VENTX: variants seen among roughly 807,000 people sequenced by gnomAD.
VENTX encodes homeobox protein VENTX.
VENTX carries 13 observed loss-of-function variants against 10.5 expected under a neutral mutation model. The ratio of observed to expected loss-of-function variants is 1.23; its 90% CI spans 0.80 to 1.96. VENTX has a LOEUF of 1.96. Ranked by LOEUF, VENTX falls within the 30% of genes most tolerant of loss-of-function variation. The probability of loss-of-function intolerance (pLI) is 0.00; values close to 1 mark genes in which losing one functional copy is unlikely to be tolerated. For synonymous variants in VENTX, 177 were observed against 150.4 expected, an observed-to-expected ratio of 1.18 and a Z score of -1.29; for missense variants, 400 against 341.8, an observed-to-expected ratio of 1.17 and a Z score of -1.34.
Position 133,237,939 on chromosome 10 carries a change from C to T in VENTX, c.25C>T (p.Arg9Cys), listed in dbSNP as rs746525348. 20 of 1,594,924 alleles carry T rather than the reference C, an allele frequency of 1.3e-5. No individual in the cohort carries two copies. In the East Asian group the frequency reaches 4.5e-4, roughly 36 times the overall value. The change falls in exon 1 of 3, where the codon CGT (arginine) becomes TGT (cysteine). Residue 9 changes from arginine to cysteine, a missense_variant. Coordinates refer to ENST00000325980, the MANE Select transcript of VENTX (RefSeq NM_014468.4). ...CATGCGCCTCTCCTCCTCCCCACCTCGTGGCCCGCAGCAGCTCTCCAGCTT... is the reference window on the plus strand; with the variant it reads ...CATGCGCCTCTCCTCCTCCCCACCTTGTGGCCCGCAGCAGCTCTCCAGCTT... The part of the protein sequence containing the change: MRLSSSPP[R>C]GPQQLSSFGS...
intron 2 of VENTX, 34 bp downstream of exon 2, chr10:133,239,870 G>T (rs760871759): frequency 6.2e-7 from 1 of 1,608,004 alleles, no homozygotes; most frequent in Non-Finnish European, 8.5e-7. Flanking sequence ...GGTGGGCAGG[G>T]GTGGGCAAGG....
At position 133,238,128 on chromosome 10, in the gene VENTX, C is replaced by G. The variant is rs900168330; in HGVS notation, c.214C>G (p.Leu72Val). ...SIKEAAGSSNLPAPERTMAGL... is the reference protein window; with the variant it reads ...SIKEAAGSSNVPAPERTMAGL... ...CAAGGAGGCCGCCGGGTCCTCAAAT[C>G]TGCCTGCGCCGGAGAGGACCATGGC... The change falls in exon 1 of 3, where the codon CTG becomes GTG. Residue 72 changes from leucine to valine, a missense_variant. Coordinates refer to ENST00000325980, the MANE Select transcript of VENTX (RefSeq NM_014468.4). 5 of 1,604,510 alleles carry G rather than the reference C, an allele frequency of 3.1e-6. No homozygotes were observed. The highest frequency in any genetic ancestry group is 1.3e-5 in the African/African-American group (1 of 74,926).
In VENTX at chr10:133,240,177, G is replaced by T. The variant is rs369681310; in HGVS notation, c.648G>T (p.Ala216=). Residue 216 remains alanine (A), a synonymous_variant, in exon 3 of 3, where the codon GCG becomes GCT. Coordinates refer to ENST00000325980, the MANE Select transcript of VENTX (RefSeq NM_014468.4). ...CQVAQEALAS[A]GASCCGQPLA... is the part of the protein sequence containing the mutation. ...TGGCACAAGAGGCCCTGGCATCTGC[G>T]GGAGCTTCCTGCTGCGGGCAGCCTC... is the stretch of plus-strand genomic sequence containing the variant. 3.7e-6 allele frequency: 6 copies of T among 1,609,464 alleles called. No individual in the cohort carries two copies. The East Asian group carries it at 1.1e-4, about 30-fold the overall frequency.
Position 133,237,894 on chromosome 10 carries a change from C to T in VENTX, c.-21C>T, listed in dbSNP as rs1478281322. ...GCCTGGCCAGCCCCGCCTGGCCTTC[C>T]CTCCGGCCCACCTGGCCGCCATGCG... On this transcript the variant is annotated 5_prime_UTR_variant, in exon 1 of 3. Transcript: ENST00000325980. The T allele has an allele frequency of 6.4e-6, 10 of 1,565,110 alleles. No homozygotes were observed. The highest frequency in any genetic ancestry group is 1.2e-5 in the South Asian group (1 of 85,296).
intron 1 of VENTX, among the ~76,000 whole-genome samples, chr10:133,239,039 GT>G (rs765733849): frequency 6.6e-6 from 1 of 152,190 alleles, no homozygotes; most frequent in Non-Finnish European, 1.5e-5. Flanking sequence ...TCAGGCTAAC[GT>G]TAAGACAGAT....
chr10:133,237,918 C>T lies in VENTX; in HGVS notation c.4C>T (p.Arg2Cys). The T allele has an allele frequency of 2.5e-6, 4 of 1,586,566 alleles. No individual in the cohort carries two copies. Among genetic ancestry groups the T allele is most frequent in the South Asian group, 1.1e-5 (1 of 88,024 alleles). M[R>C]LSSSPPRGPQ... ...CCCTCCGGCCCACCTGGCCGCCATG[C>T]GCCTCTCCTCCTCCCCACCTCGTGG... Residue 2 changes from arginine (R) to cysteine (C), a missense_variant, in exon 1 of 3, where the codon CGC (arginine) becomes TGC (cysteine). Physicochemically the swap from Arg to Cys is radical, Grantham distance 180. Coordinates refer to ENST00000325980, the MANE Select transcript of VENTX (RefSeq NM_014468.4).
chr10:133,239,787 C>T lies in VENTX; in HGVS notation c.353C>T (p.Pro118Leu), dbSNP rs139243086. The T allele has an allele frequency of 1.8e-4, 289 of 1,611,310 alleles. 1 individual carries two copies. Among genetic ancestry groups the T allele is most frequent in the Non-Finnish European group, 2.2e-4 (263 of 1,179,894 alleles). Residue 118 changes from proline to leucine, a missense_variant, in exon 2 of 3, where the codon CCT (proline) becomes CTT (leucine). Pro to Leu is a moderately conservative substitution (Grantham distance 98, BLOSUM62 -3). Coordinates refer to ENST00000325980, the MANE Select transcript of VENTX (RefSeq NM_014468.4). ...GVFQHHQYLSPLERKRLAREM... is the reference protein window; with the variant it reads ...GVFQHHQYLSLLERKRLAREM... ...TTCCAGCACCACCAGTACCTGAGCC[C>T]TCTGGAGCGGAAGAGGCTGGCCAGG...
chr10:133,240,362 C>A lies in VENTX; in HGVS notation c.*56C>A. 6.6e-7 allele frequency: 1 copy of A among 1,514,246 alleles called. No individual in the cohort carries two copies. Among genetic ancestry groups the A allele is most frequent in the Non-Finnish European group, 8.8e-7 (1 of 1,132,960 alleles). The allele number at this position is 1,514,246 out of a possible 1,614,324, so 93.8% of individuals were successfully genotyped here. ...CTTGCTGATCGCACCTGGCTCCTAC[C>A]TGGAGGACTCAGTTGTTCTGTTTAC... On this transcript the variant is annotated 3_prime_UTR_variant, in exon 3 of 3. Coordinates refer to ENST00000325980, the MANE Select transcript of VENTX (RefSeq NM_014468.4).
chr10:133,239,310 G>T (rs910377984), intron 1 of VENTX, among the ~76,000 whole-genome samples: 14 of 152,354 alleles, frequency 9.2e-5, no homozygotes, highest in African/African-American at 3.4e-4. Context: ...AGGGATGGGT[G>T]CCCCTGGGTG....
rs1564909386 is a variant in VENTX, at chr10:133,238,048, T to C, written c.134T>C (p.Leu45Pro). The change falls in exon 1 of 3, where the codon CTC (leucine) becomes CCC (proline). Residue 45 changes from leucine to proline, a missense_variant. Physicochemically the swap from Leu to Pro is moderately conservative, Grantham distance 98. Transcript: ENST00000325980. ...CCTGCCGACTTCTCCCTGGGGAGCC[T>C]CCCTGGCCCAGGCCAGACATCCGGC... ...PRPADFSLGSLPGPGQTSGAR... is the reference protein window; with the variant it reads ...PRPADFSLGSPPGPGQTSGAR... 1 of 1,599,930 alleles carries C rather than the reference T, an allele frequency of 6.3e-7. No individual in the cohort carries two copies.
At chr10:133,238,759 ACAT>A (rs1165873903) in intron 1 of VENTX, among the ~76,000 whole-genome samples, 2 of 152,258 alleles carry the variant, frequency 1.3e-5, no homozygotes, top group Non-Finnish European at 2.9e-5. Context: ...AGTCTTTGTG[ACAT>A]CATCACCACT....
intron 1 of VENTX, 113 bp downstream of exon 1, chr10:133,238,268 C>T: frequency 2.2e-6 from 3 of 1,350,816 alleles, no homozygotes; most frequent in Non-Finnish European, 2.9e-6. Flanking sequence ...AGGTCAGGGC[C>T]GGGGGCGTTT....
chr10:133,240,907 G>A lies in VENTX; in HGVS notation c.*601G>A, dbSNP rs1224111521. ...TTACCGAAAGAGTCGGTTTAGGAAG[G>A]AAACGAAGGGTCAGTGAACAGAGTC... On this transcript the variant is annotated 3_prime_UTR_variant, in exon 3 of 3. Transcript: ENST00000325980. The A allele has an allele frequency of 6.6e-6, 1 of 152,190 alleles. No homozygotes were observed. The highest frequency in any genetic ancestry group is 1.5e-5 in the Non-Finnish European group (1 of 68,052). 9.4% of individuals were successfully genotyped at this position (152,190 alleles called of 1,614,324 possible).
chr10:133,239,584 C>G, intron 1 of VENTX, 92 bp from the exon 2 acceptor site: 1 of 1,486,188 alleles, frequency 6.7e-7, no homozygotes, highest in Admixed American at 1.9e-5. Flanking sequence ...CTGCCCAGCC[C>G]CCAGCATGGC....
rs143679708 is a variant in VENTX at position 133,240,070 on chromosome 10, C to T, written c.541C>T (p.Gln181Ter). The T allele has an allele frequency of 2.2e-4, 356 of 1,611,724 alleles. No individual in the cohort carries two copies. The African/African-American group carries it at 4.1e-3, about 19-fold the overall frequency. Residue 181 changes from glutamine (Q) to a stop codon, truncating the protein, a stop_gained, in exon 3 of 3, where the codon CAG becomes TAG. Coordinates refer to ENST00000325980, the MANE Select transcript of VENTX (RefSeq NM_014468.4). LOFTEE classifies it low-confidence loss of function (END_TRUNC). Reference protein sequence around the residue: ...STSSGLANGLQLLCPWAPLSG... With the variant: ...STSSGLANGL ...GTCTTCTGGCCTTGCCAATGGCCTG[C>T]AGCTGCTGTGCCCTTGGGCACCCCT...
At position 133,240,139 on chromosome 10, in the gene VENTX, G is replaced by A; in HGVS notation, c.610G>A (p.Gly204Ser). The A allele has an allele frequency of 1.2e-6, 2 of 1,609,584 alleles. No individual in the cohort carries two copies. The highest frequency in any genetic ancestry group is 1.7e-6 in the Non-Finnish European group (2 of 1,179,948). Residue 204 changes from glycine (G) to serine (S), a missense_variant, in exon 3 of 3, where the codon GGT becomes AGT. Transcript: ENST00000325980. The part of the protein sequence containing the change: ...ALMLPPGSFW[G>S]LCQVAQEALA... ...GATGCTGCCCCCTGGCTCCTTCTGG[G>A]GTCTCTGCCAAGTGGCACAAGAGGC...
At position 133,240,561 on chromosome 10, in the gene VENTX, T is replaced by G. The variant is rs1845923306; in HGVS notation, c.*255T>G. On this transcript the variant is annotated 3_prime_UTR_variant, in exon 3 of 3. Coordinates refer to ENST00000325980, the MANE Select transcript of VENTX (RefSeq NM_014468.4). ...ATATTTTTTTTTTTTTTTTTTTTTTTGAGACGGAGTGTTGCTCTGTCACCC... is the reference window on the plus strand; with the variant it reads ...ATATTTTTTTTTTTTTTTTTTTTTTGGAGACGGAGTGTTGCTCTGTCACCC... The G allele has an allele frequency of 8.3e-6, 1 of 120,134 alleles. No homozygotes were observed. The highest frequency in any genetic ancestry group is 1.6e-5 in the Non-Finnish European group (1 of 61,218). The allele number at this position is 120,134 out of a possible 1,614,324, so 7.4% of individuals were successfully genotyped here. A position where few individuals can be genotyped will look rare whatever the true frequency, so the allele number is the denominator to read the frequency against.
chr10:133,238,237 C>G (rs1281418534), intron 1 of VENTX, 82 bp downstream of exon 1: 1 of 1,451,718 alleles, frequency 6.9e-7, no homozygotes, highest in Non-Finnish European at 9.1e-7. Context: ...CGGCTGCACT[C>G]CCCGCGGTGC....
At position 133,238,110 on chromosome 10, in the gene VENTX, G is replaced by A. The variant is rs1365473272; in HGVS notation, c.196G>A (p.Ala66Thr). 1.2e-6 allele frequency: 2 copies of A among 1,602,558 alleles called. No individual in the cohort carries two copies. The highest frequency in any genetic ancestry group is 1.7e-6 in the Non-Finnish European group (2 of 1,176,056). Residue 66 changes from alanine to threonine, a missense_variant, in exon 1 of 3, where the codon GCC (alanine) becomes ACC (threonine). By Grantham distance (58) the Ala-to-Thr change is moderately conservative. Transcript: ENST00000325980. Reference sequence around the variant, plus strand: ...CCCTCAGGCCGTCAGCATCAAGGAGGCCGCCGGGTCCTCAAATCTGCCTGC... The same window carrying A: ...CCCTCAGGCCGTCAGCATCAAGGAGACCGCCGGGTCCTCAAATCTGCCTGC... ...EPPQAVSIKE[A>T]AGSSNLPAPE... is the part of the protein sequence containing the mutation.
Sources: allele counts gnomAD v4.1 joint callset (sites outside exome capture counted in the v4.1 genomes callset), GRCh38; gene constraint gnomAD v4.1.1; transcripts MANE v1.5; gene names NCBI Gene and HGNC (gene_info 2026-07-23, HGNC 2026-07-21).